Variants in CLNK observed in about 807,000 individuals in gnomAD.
The protein encoded by CLNK is cytokine-dependent hematopoietic cell linker.
In CLNK, 74 loss-of-function variants were observed where a neutral mutation model predicts 68.6. The ratio of observed to expected loss-of-function variants is 1.08; its 90% CI spans 0.89 to 1.31. CLNK has a LOEUF of 1.31. Among genes scored for constraint, CLNK ranks in the 50% most tolerant of loss-of-function variants. The pLI is 0.00. For missense variants in CLNK, 553 were observed against 515.3 expected (o/e 1.07, Z -0.71); for synonymous variants, 198 against 172.2 (o/e 1.15, Z -1.17).
chr4:10,666,486 A>G lies in CLNK; in HGVS notation c.11+1373T>C, dbSNP rs7678385. On this transcript the variant is annotated intron_variant, in intron 2 of 18. Coordinates refer to ENST00000226951, the MANE Select transcript of CLNK (RefSeq NM_052964.4). ...TGACTCCCTTACTGGTGCCTTCTCC[A>G]TTTCCCACAGTCAAAGGAATAATGG... 8.9e-4 allele frequency among the ~76,000 whole-genome samples: 135 copies of G among 152,264 alleles called. 1 individual carries two copies. The highest frequency in any genetic ancestry group is 2.8e-3 in the African/African-American group (117 of 41,538).
chr4:10,731,588 C>A, the CLNK span, among the ~76,000 whole-genome samples: 1 of 152,180 alleles, frequency 6.6e-6, no homozygotes, highest in Non-Finnish European at 1.5e-5. Flanking sequence ...TTAAAAGGGG[C>A]TGAAGATTTC....
chr4:10,622,235 T>C (rs1577175252), intron 2 of CLNK, among the ~76,000 whole-genome samples: 1 of 152,296 alleles, frequency 6.6e-6, no homozygotes, highest in East Asian at 1.9e-4. Context: ...TATAATGATA[T>C]TATTCCCATT....
At chr4:10,568,470 T>G (rs1019085662) in intron 5 of CLNK, among the ~76,000 whole-genome samples, 1 of 152,186 alleles carries the variant, frequency 6.6e-6, no homozygotes, top group Non-Finnish European at 1.5e-5. Flanking sequence ...AAAAAACCAT[T>G]AAATTGTACT....
chr4:10,537,903 T>C (rs1051253608), intron 11 of CLNK, among the ~76,000 whole-genome samples: 1 of 151,390 alleles, frequency 6.6e-6, no homozygotes, highest in African/African-American at 2.4e-5. Flanking sequence ...CATACGAAGA[T>C]GGTTATTTTC....
chr4:10,590,367 T>A (rs4697759), intron 3 of CLNK, among the ~76,000 whole-genome samples: 1 of 152,044 alleles, frequency 6.6e-6, no homozygotes, highest in East Asian at 1.9e-4. Context: ...TACTTATCCA[T>A]GGGAACAGAG....
chr4:10,618,216 C>T (rs147113981), intron 2 of CLNK, among the ~76,000 whole-genome samples: 17 of 152,212 alleles, frequency 1.1e-4, no homozygotes, highest in South Asian at 2.1e-4. Context: ...CTGTTACACG[C>T]GCTACATCAA....
the CLNK span, among the ~76,000 whole-genome samples, chr4:10,713,340 G>A: frequency 2.6e-5 from 4 of 152,226 alleles, no homozygotes; most frequent in African/African-American, 9.6e-5. Context: ...AAGGATGTGT[G>A]AGTGAGACAT....
chr4:10,597,965 T>C lies in CLNK; in HGVS notation c.83+13A>G. The stretch of plus-strand genomic sequence containing the variant: ...TTTCACTCCTCTATTAATAAACAAG[T>C]AAATATTCTGACCTGTTTTTTGGCA... On this transcript the variant is annotated intron_variant, in intron 3 of 18. Coordinates refer to ENST00000226951, the MANE Select transcript of CLNK (RefSeq NM_052964.4). 1 of 1,542,684 alleles carries C rather than the reference T, an allele frequency of 6.5e-7. No homozygotes were observed. Among genetic ancestry groups the C allele is most frequent in the Non-Finnish European group, 8.8e-7 (1 of 1,134,166 alleles).
intron 2 of CLNK, among the ~76,000 whole-genome samples, chr4:10,665,191 G>C (rs1386910812): frequency 6.6e-6 from 1 of 152,218 alleles, no homozygotes; most frequent in Non-Finnish European, 1.5e-5. Context: ...CGCATTGCCA[G>C]CTTCAAATCT....
intron 2 of CLNK, among the ~76,000 whole-genome samples, chr4:10,667,536 T>G (rs1405324191): frequency 6.6e-6 from 1 of 152,008 alleles, no homozygotes; most frequent in Non-Finnish European, 1.5e-5. Flanking sequence ...CACAAACCAC[T>G]GTCCTTTTAC....
At chr4:10,616,638 C>A (rs1441810804) in intron 2 of CLNK, among the ~76,000 whole-genome samples, 1 of 151,840 alleles carries the variant, frequency 6.6e-6, no homozygotes, top group South Asian at 2.1e-4. Flanking sequence ...CAGCAAAAAT[C>A]AATGAAATCA....
intron 8 of CLNK, 126 bp from the exon 9 acceptor site, chr4:10,542,406 CTGAGATCATA>C: frequency 1.5e-6 from 1 of 685,776 alleles, no homozygotes; most frequent in Admixed American, 2.9e-5. Context: ...TTAATATTTG[CTGAGATCATA>C]TGAGATACCC....
intron 2 of CLNK, among the ~76,000 whole-genome samples, chr4:10,618,617 G>T (rs900003623): frequency 6.6e-6 from 1 of 152,222 alleles, no homozygotes; most frequent in African/African-American, 2.4e-5. Flanking sequence ...TTGGCTCACG[G>T]TTCTGCAGGC....
intron 5 of CLNK, among the ~76,000 whole-genome samples, chr4:10,570,372 G>C (rs1304763296): frequency 6.6e-6 from 1 of 152,152 alleles, no homozygotes; most frequent in East Asian, 1.9e-4. Flanking sequence ...GTAAATGTAA[G>C]TGTTTTGGTG....
At chr4:10,709,886 C>T in the CLNK span, among the ~76,000 whole-genome samples, 1 of 152,140 alleles carries the variant, frequency 6.6e-6, no homozygotes, top group Non-Finnish European at 1.5e-5. Flanking sequence ...CCATCATGGG[C>T]CAACACCCCT....
intron 8 of CLNK, among the ~76,000 whole-genome samples, chr4:10,548,084 T>C (rs75108270): frequency 0.07 from 10,716 of 152,240 alleles, 951 homozygotes; most frequent in African/African-American, 0.19. Context: ...ATAATGGCTG[T>C]ACCAATTTAC....
chr4:10,504,418 C>T (rs1234618891), intron 17 of CLNK, among the ~76,000 whole-genome samples: 2 of 152,134 alleles, frequency 1.3e-5, no homozygotes, highest in African/African-American at 4.8e-5. Context: ...CTGCGTGCCC[C>T]GCCATAAACG....
chr4:10,490,352 T>C lies in CLNK; in HGVS notation c.*115A>G. 1 of 1,153,758 alleles carries C rather than the reference T, an allele frequency of 8.7e-7. No homozygotes were observed. The highest frequency in any genetic ancestry group is 1.2e-6 in the Non-Finnish European group (1 of 831,650). 71.5% of individuals were successfully genotyped at this position (1,153,758 alleles called of 1,614,324 possible). On this transcript the variant is annotated 3_prime_UTR_variant, in exon 19 of 19. Coordinates refer to ENST00000226951, the MANE Select transcript of CLNK (RefSeq NM_052964.4). The stretch of plus-strand genomic sequence containing the variant: ...CACTCTCTGTTATAGAGTGTTTTTC[T>C]TTTCTCCAAAGTTAAAAAAGTTGTC...
intron 2 of CLNK, among the ~76,000 whole-genome samples, chr4:10,640,252 C>G (rs1487077165): frequency 6.6e-6 from 1 of 152,112 alleles, no homozygotes. Context: ...GCAACCTCAG[C>G]CTCCTCAGTT....
Sources: allele counts gnomAD v4.1 joint callset (sites outside exome capture counted in the v4.1 genomes callset), GRCh38; gene constraint gnomAD v4.1.1; transcripts MANE v1.5; gene names NCBI Gene and HGNC (gene_info 2026-07-23, HGNC 2026-07-21).